Variants in SEZ6L observed in about 807,000 individuals in gnomAD.
The protein encoded by SEZ6L is seizure 6-like protein.
SEZ6L carries 37 observed loss-of-function variants against 106.2 expected under a neutral mutation model. That is an observed-to-expected ratio of 0.35 (90% CI 0.27 to 0.46). The LOEUF is 0.46. Among genes scored for constraint, SEZ6L ranks in the 20% least tolerant of loss-of-function variants. SEZ6L has a pLI of 1.00. For missense variants in SEZ6L, 1,172 were observed against 1,332.8 expected (o/e 0.88, Z 1.88); for synonymous variants, 541 against 570.4 (o/e 0.95, Z 0.73).
intron 13 of SEZ6L, among the ~76,000 whole-genome samples, chr22:26,366,849 A>G (rs1300878895): frequency 6.6e-6 from 1 of 151,800 alleles, no homozygotes; most frequent in Non-Finnish European, 1.5e-5. Flanking sequence ...GGGTCTTGCT[A>G]TGTTGGCCAG....
intron 3 of SEZ6L, among the ~76,000 whole-genome samples, chr22:26,296,162 G>A (rs714005): frequency 1.2e-3 from 177 of 152,028 alleles, no homozygotes; most frequent in African/African-American, 4.1e-3. Flanking sequence ...GCCTCCCTGC[G>A]TACAACTAAA....
chr22:26,351,505 CTTTG>C (rs200070218), intron 12 of SEZ6L: 19 of 377,046 alleles, frequency 5.0e-5, no homozygotes, highest in Non-Finnish European at 7.3e-5. Flanking sequence ...GCATAGTATA[CTTTG>C]TTTTTTTGTT....
At chr22:26,207,410 C>T (rs1047877157) in intron 1 of SEZ6L, among the ~76,000 whole-genome samples, 3 of 152,154 alleles carry the variant, frequency 2.0e-5, no homozygotes, top group Non-Finnish European at 2.9e-5. Flanking sequence ...TCAATGAAAT[C>T]AAATATTTAT....
At chr22:26,184,202 C>T (rs187340478) in intron 1 of SEZ6L, among the ~76,000 whole-genome samples, 127 of 152,320 alleles carry the variant, frequency 8.3e-4, no homozygotes, top group Non-Finnish European at 1.4e-3. Flanking sequence ...ACTTGCCTTT[C>T]TCCTTTTTGG....
At chr22:26,181,070 T>A (rs1454730113) in intron 1 of SEZ6L, among the ~76,000 whole-genome samples, 1 of 152,168 alleles carries the variant, frequency 6.6e-6, no homozygotes, top group Non-Finnish European at 1.5e-5. Flanking sequence ...GAGAATAGAA[T>A]TCTTCCCTTG....
At chr22:26,336,821 A>G (rs1416084596) in intron 9 of SEZ6L, among the ~76,000 whole-genome samples, 1 of 152,138 alleles carries the variant, frequency 6.6e-6, no homozygotes, top group African/African-American at 2.4e-5. Context: ...GTTTCCAGAC[A>G]TTGCCAAATG....
intron 1 of SEZ6L, among the ~76,000 whole-genome samples, chr22:26,192,126 A>G (rs1199239042): frequency 1.3e-5 from 2 of 152,014 alleles, no homozygotes; most frequent in South Asian, 2.1e-4. Flanking sequence ...TCATCCATTC[A>G]TCTGTTCATC....
At chr22:26,239,904 C>G (rs926148988) in intron 1 of SEZ6L, among the ~76,000 whole-genome samples, 3 of 152,010 alleles carry the variant, frequency 2.0e-5, no homozygotes, top group Non-Finnish European at 4.4e-5. Flanking sequence ...GCCATCCCCC[C>G]ACAACCGCAC....
In SEZ6L at chr22:26,332,602, G is replaced by A. The variant is rs989882436; in HGVS notation, c.2016-7834G>A. Among the ~76,000 whole-genome samples the A allele has an allele frequency of 2.0e-5, 3 of 152,006 alleles. No individual in the cohort carries two copies. The East Asian group carries it at 5.8e-4, about 29-fold the overall frequency. On this transcript the variant is annotated intron_variant, in intron 9 of 16. Coordinates refer to ENST00000248933, the MANE Select transcript of SEZ6L (RefSeq NM_021115.5). ...GCTGGGACCACAGGCATGTGCCACC[G>A]TGCCCGGCTAATGTTTTTATTTTTT...
chr22:26,283,789 G>T (rs1009989529), intron 1 of SEZ6L, among the ~76,000 whole-genome samples: 1 of 152,144 alleles, frequency 6.6e-6, no homozygotes, highest in Non-Finnish European at 1.5e-5. Context: ...CATTCCAGGG[G>T]GTGGAGAAGG....
intron 1 of SEZ6L, among the ~76,000 whole-genome samples, chr22:26,279,317 G>A (rs2080679316): frequency 6.6e-6 from 1 of 152,124 alleles, no homozygotes; most frequent in South Asian, 2.1e-4. Context: ...AATGTGATGG[G>A]TTTGCTTCCA....
intron 9 of SEZ6L, among the ~76,000 whole-genome samples, chr22:26,314,658 CAG>C (rs2081948293): frequency 6.6e-6 from 1 of 152,332 alleles, no homozygotes; most frequent in Middle Eastern, 3.4e-3. Flanking sequence ...CCTGTATTCA[CAG>C]GGGGTAACCA....
rs77013049 is a variant in SEZ6L at position 26,222,663 on chromosome 22, T to C, written c.94+52900T>C. On this transcript the variant is annotated intron_variant, in intron 1 of 16. Coordinates refer to ENST00000248933, the MANE Select transcript of SEZ6L (RefSeq NM_021115.5). ...GTGTATAAGACAAATCTCAATATCA[T>C]AGGGAAAAACCGGGGGGAACGCCCA... Among the ~76,000 whole-genome samples, 798 of 152,236 alleles carry C rather than the reference T, an allele frequency of 5.2e-3. 3 individuals are homozygous for C. Among genetic ancestry groups the C allele is most frequent in the East Asian group, 0.022 (115 of 5,176 alleles).
chr22:26,264,386 C>A (rs1330961455), intron 1 of SEZ6L, among the ~76,000 whole-genome samples: 2 of 152,204 alleles, frequency 1.3e-5, no homozygotes, highest in African/African-American at 4.8e-5. Flanking sequence ...CCTCTCTGAG[C>A]TTCAGTTCTG....
intron 1 of SEZ6L, among the ~76,000 whole-genome samples, chr22:26,248,070 A>G (rs1201063349): frequency 9.2e-5 from 14 of 152,176 alleles, no homozygotes. Context: ...TTCAGGGTGC[A>G]TTTGGAGGAT....
chr22:26,243,802 C>A (rs185243619), intron 1 of SEZ6L, among the ~76,000 whole-genome samples: 1 of 152,072 alleles, frequency 6.6e-6, no homozygotes, highest in Non-Finnish European at 1.5e-5. Context: ...TTTTATTTAA[C>A]CCATTAAGCC....
chr22:26,203,843 A>G (rs1420214716), intron 1 of SEZ6L, among the ~76,000 whole-genome samples: 1 of 152,204 alleles, frequency 6.6e-6, no homozygotes, highest in Non-Finnish European at 1.5e-5. Flanking sequence ...GTTATTTTGA[A>G]CAATGTAGAC....
intron 11 of SEZ6L, among the ~76,000 whole-genome samples, chr22:26,348,471 T>C (rs1048426145): frequency 2.3e-5 from 3 of 131,622 alleles, no homozygotes; most frequent in Admixed American, 8.6e-5. Flanking sequence ...TTAGCCTGGG[T>C]GACAGAGCAA....
chr22:26,262,548 C>A (rs747761430), intron 1 of SEZ6L, among the ~76,000 whole-genome samples: 3 of 152,198 alleles, frequency 2.0e-5, no homozygotes, highest in Non-Finnish European at 2.9e-5. Flanking sequence ...AACGCAAATA[C>A]CATTCCCATT....
Sources: gnomAD v4.1 joint callset for allele counts (sites outside exome capture counted in the v4.1 genomes callset) on GRCh38, gnomAD v4.1.1 for gene constraint, MANE v1.5 for transcripts, NCBI Gene and HGNC (gene_info 2026-07-23, HGNC 2026-07-21) for gene names.